NKAIN3: variants seen among roughly 807,000 people sequenced by gnomAD.
The protein encoded by NKAIN3 is sodium/potassium-transporting ATPase subunit beta-1-interacting protein 3.
NKAIN3 carries 25 observed loss-of-function variants against 30.2 expected under a neutral mutation model. That is an observed-to-expected ratio of 0.83 (90% confidence interval 0.60 to 1.16). The LOEUF (loss-of-function observed/expected upper bound fraction) is 1.16. Ranked by LOEUF, NKAIN3 falls within the 50% of genes most tolerant of loss-of-function variation. The probability of loss-of-function intolerance (pLI) is 0.00; values close to 1 mark genes in which losing one functional copy is unlikely to be tolerated. For missense variants in NKAIN3, 225 were observed against 254.1 expected (o/e 0.89, Z 0.78); for synonymous variants, 91 against 89.6 (o/e 1.02, Z -0.09).
At chr8:62,940,874 C>T (rs1429997137) in intron 5 of NKAIN3, among the ~76,000 whole-genome samples, 1 of 151,090 alleles carries the variant, frequency 6.6e-6, no homozygotes, top group Admixed American at 6.6e-5. Flanking sequence ...GAAAGAAGAA[C>T]AAACCGAATC....
At chr8:62,639,067 C>T (rs1177532320) in intron 3 of NKAIN3, among the ~76,000 whole-genome samples, 6 of 152,226 alleles carry the variant, frequency 3.9e-5, no homozygotes, top group Non-Finnish European at 5.9e-5. Context: ...AACTCAAAAC[C>T]TCACACTATG....
intron 1 of NKAIN3, among the ~76,000 whole-genome samples, chr8:62,425,063 C>T (rs1804765570): frequency 6.6e-6 from 1 of 151,676 alleles, no homozygotes; most frequent in Non-Finnish European, 1.5e-5. Flanking sequence ...CATGATTCCA[C>T]TTATATGAGG....
intron 1 of NKAIN3, among the ~76,000 whole-genome samples, chr8:62,403,099 G>A (rs547319467): frequency 2.0e-5 from 3 of 152,314 alleles, no homozygotes; most frequent in Non-Finnish European, 4.4e-5. Context: ...TGGAGTAAAA[G>A]TCACTCTTGC....
chr8:62,849,698 T>C (rs1047662309), intron 4 of NKAIN3, among the ~76,000 whole-genome samples: 4 of 139,544 alleles, frequency 2.9e-5, no homozygotes, highest in African/African-American at 1.1e-4. Context: ...AGTGAGAACA[T>C]GCGGTGTTTG....
intron 5 of NKAIN3, among the ~76,000 whole-genome samples, chr8:62,929,756 C>T (rs533391673): frequency 1.8e-4 from 27 of 152,236 alleles, no homozygotes; most frequent in South Asian, 1.2e-3. Context: ...TTGTCCAACC[C>T]GCAGCCCATG....
chr8:62,866,328 C>T (rs1820413360), intron 4 of NKAIN3, among the ~76,000 whole-genome samples: 1 of 152,204 alleles, frequency 6.6e-6, no homozygotes. Context: ...GCAGAATTCT[C>T]CTCACAGCTC....
At chr8:62,842,038 A>G (rs574730780) in intron 4 of NKAIN3, among the ~76,000 whole-genome samples, 34 of 152,156 alleles carry the variant, frequency 2.2e-4, no homozygotes, top group African/African-American at 7.5e-4. Context: ...TGGTTTTTAA[A>G]TTGTGTTTTC....
At chr8:62,720,053 G>A (rs992627079) in intron 3 of NKAIN3, among the ~76,000 whole-genome samples, 2 of 151,722 alleles carry the variant, frequency 1.3e-5, no homozygotes, top group Non-Finnish European at 2.9e-5. Context: ...CACTGCGCCG[G>A]GCCGATATTT....
At chr8:62,528,348 T>TA (rs1439550299) in intron 1 of NKAIN3, among the ~76,000 whole-genome samples, 3 of 88,168 alleles carry the variant, frequency 3.4e-5, no homozygotes, top group South Asian at 7.3e-4. Flanking sequence ...ATAATATATA[T>TA]ATATATGACT....
At chr8:62,750,178 AT>A (rs1816231328) in intron 4 of NKAIN3, among the ~76,000 whole-genome samples, 1 of 152,036 alleles carries the variant, frequency 6.6e-6, no homozygotes, top group African/African-American at 2.4e-5. Context: ...GCTGCAGGGA[AT>A]TACCCCTTTC....
intron 1 of NKAIN3, among the ~76,000 whole-genome samples, chr8:62,292,242 T>G (rs4639506): frequency 0.062 from 9,469 of 152,098 alleles, 981 homozygotes; most frequent in African/African-American, 0.21. Context: ...TACATTTAAG[T>G]TTAATATTGT....
At chr8:62,932,702 C>T (rs12542282) in intron 5 of NKAIN3, among the ~76,000 whole-genome samples, 9,994 of 152,074 alleles carry the variant, frequency 0.066, 568 homozygotes, top group East Asian at 0.27. Context: ...GATTTTCAAC[C>T]TATTTCATAC....
chr8:62,895,306 A>G (rs1235400984), intron 4 of NKAIN3, among the ~76,000 whole-genome samples: 1 of 152,228 alleles, frequency 6.6e-6, no homozygotes, highest in African/African-American at 2.4e-5. Context: ...CCTCTAAAAG[A>G]TAGGCTCTGC....
chr8:62,667,975 GC>G (rs773797320), intron 3 of NKAIN3, among the ~76,000 whole-genome samples: 1 of 151,954 alleles, frequency 6.6e-6, no homozygotes, highest in African/African-American at 2.4e-5. Flanking sequence ...CATTCCTTCT[GC>G]CCCCGCATCT....
chr8:62,906,631 T>C (rs1434456050), intron 4 of NKAIN3, among the ~76,000 whole-genome samples: 4 of 152,270 alleles, frequency 2.6e-5, no homozygotes, highest in Non-Finnish European at 1.5e-5. Flanking sequence ...TTCCATGCTG[T>C]TCTTGTGATA....
intron 1 of NKAIN3, among the ~76,000 whole-genome samples, chr8:62,570,384 G>A (rs569707344): frequency 3.3e-5 from 5 of 152,226 alleles, no homozygotes; most frequent in African/African-American, 7.2e-5. Flanking sequence ...GTATTAATCC[G>A]TTTTCACACT....
At chr8:62,397,365 G>A (rs1817798395) in intron 1 of NKAIN3, among the ~76,000 whole-genome samples, 1 of 120,080 alleles carries the variant, frequency 8.3e-6, no homozygotes, top group South Asian at 3.0e-4. Context: ...TTTGTTTAAA[G>A]GATTTCTATC....
At chr8:62,387,984 A>G (rs1817479667) in intron 1 of NKAIN3, among the ~76,000 whole-genome samples, 1 of 152,152 alleles carries the variant, frequency 6.6e-6, no homozygotes. Context: ...ACATCTTCCC[A>G]TAGGCCATGG....
chr8:62,514,266 CG>C (rs113413458), intron 1 of NKAIN3, among the ~76,000 whole-genome samples: 47 of 151,524 alleles, frequency 3.1e-4, no homozygotes, highest in African/African-American at 6.8e-4. Context: ...TATAGATACT[CG>C]TTTTTTTTAA....
Sources: gnomAD v4.1 joint callset for allele counts (sites outside exome capture counted in the v4.1 genomes callset) on GRCh38, gnomAD v4.1.1 for gene constraint, MANE v1.5 for transcripts, NCBI Gene and HGNC (gene_info 2026-07-23, HGNC 2026-07-21) for gene names.